The following UBAC1 variants were observed in gnomAD, a reference collection of about 807,000 sequenced individuals.
UBAC1 encodes the protein UBA domain containing 1, also known as ubiquitin-associated domain-containing protein 1.
In UBAC1, 27 loss-of-function variants were observed where a neutral mutation model predicts 45.9. That is an observed-to-expected ratio of 0.59 (90% CI 0.43 to 0.81). UBAC1 has a LOEUF of 0.81. Among genes scored for constraint, UBAC1 ranks in the 30% least tolerant of loss-of-function variants. The pLI is 0.00. For synonymous variants in UBAC1, 227 were observed against 215.5 expected, an observed-to-expected ratio of 1.05 and a Z score of -0.47; for missense variants, 529 against 539.2, an observed-to-expected ratio of 0.98 and a Z score of 0.19.
At chr9:135,936,440 G>GAA (rs956165002) in intron 9 of UBAC1, among the ~76,000 whole-genome samples, 72 of 147,888 alleles carry the variant, frequency 4.9e-4, no homozygotes, top group Admixed American at 1.1e-3. Context: ...AACATTTTTG[G>GAA]AAAAAAAAAT....
In UBAC1 at chr9:135,945,927, A is replaced by G; in HGVS notation, c.615T>C (p.Phe205=). 2 of 1,614,032 alleles carry G rather than the reference A, an allele frequency of 1.2e-6. No individual in the cohort carries two copies. The highest frequency in any genetic ancestry group is 2.2e-5 in the South Asian group (2 of 91,082). Residue 205 remains phenylalanine, a synonymous_variant, in exon 6 of 10, where the codon TTT becomes TTC. Coordinates refer to ENST00000371756, the MANE Select transcript of UBAC1 (RefSeq NM_016172.3). ...GGGCCTTGGTGGCTCTGTTCTCCGGAAAGCCCATCTCCGTGAGCTGCCGCA... is the reference window on the plus strand; with the variant it reads ...GGGCCTTGGTGGCTCTGTTCTCCGGGAAGCCCATCTCCGTGAGCTGCCGCA... The part of the protein sequence containing the change: ...AALRQLTEMG[F]PENRATKALQ...
At chr9:135,941,299 G>A (rs954624014) in intron 7 of UBAC1, among the ~76,000 whole-genome samples, 7 of 152,094 alleles carry the variant, frequency 4.6e-5, no homozygotes, top group Non-Finnish European at 8.8e-5. Context: ...CCAGCTACTC[G>A]GGAGCCTGAG....
rs1010427565 is a variant in UBAC1, at chr9:135,935,271, C to G, written c.1103-1756G>C. Among the ~76,000 whole-genome samples, 15 of 152,324 alleles carry G rather than the reference C, an allele frequency of 9.8e-5. No homozygotes were observed. In the East Asian group the frequency reaches 2.1e-3, roughly 22 times the overall value. Reference sequence around the variant, plus strand: ...GCCACACAAAATTAGAGAGCAAAAACAGTTTACAACATTCAACAAAGGAAG... The same window carrying G: ...GCCACACAAAATTAGAGAGCAAAAAGAGTTTACAACATTCAACAAAGGAAG... On this transcript the variant is annotated intron_variant, in intron 9 of 9. Coordinates refer to ENST00000371756, the MANE Select transcript of UBAC1 (RefSeq NM_016172.3).
chr9:135,949,937 T>G (rs1839387559), intron 3 of UBAC1, among the ~76,000 whole-genome samples: 1 of 152,346 alleles, frequency 6.6e-6, no homozygotes, highest in African/African-American at 2.4e-5. Context: ...TCAGAAGTCC[T>G]GTTGCTGGCT....
Position 135,937,285 on chromosome 9 carries a change from C to T in UBAC1, c.1102+937G>A, listed in dbSNP as rs140612025. On this transcript the variant is annotated intron_variant, in intron 9 of 9. Transcript: ENST00000371756. Reference sequence around the variant, plus strand: ...GGTGAAAGCCGTCTCTACTAAAATACGAAAAATTAGCCAGGCGTGGTAGTG... The same window carrying T: ...GGTGAAAGCCGTCTCTACTAAAATATGAAAAATTAGCCAGGCGTGGTAGTG... Among the ~76,000 whole-genome samples, 124 of 151,754 alleles carry T rather than the reference C, an allele frequency of 8.2e-4. 1 individual carries two copies. The highest frequency in any genetic ancestry group is 1.2e-3 in the Non-Finnish European group (81 of 67,926).
intron 6 of UBAC1, 188 bp downstream of exon 6, chr9:135,945,701 C>G (rs1839323000): frequency 5.0e-6 from 3 of 595,246 alleles, no homozygotes; most frequent in African/African-American, 3.7e-5. Context: ...ATTTACACAA[C>G]GACTGTTCTG....
At chr9:135,951,801 ACT>A (rs1588535144) in intron 3 of UBAC1, among the ~76,000 whole-genome samples, 3 of 152,162 alleles carry the variant, frequency 2.0e-5, no homozygotes, top group Admixed American at 6.5e-5. Flanking sequence ...CAAAAGCGAA[ACT>A]CTGTCTCAAA....
intron 1 of UBAC1, among the ~76,000 whole-genome samples, chr9:135,956,484 G>A (rs142283539): frequency 0.015 from 2,319 of 152,224 alleles, 35 homozygotes; most frequent in Non-Finnish European, 0.02. Context: ...GATGAAGACT[G>A]AGGTCGGCAC....
chr9:135,946,451 G>T (rs2131087612), intron 4 of UBAC1, 80 bp from the exon 5 acceptor site: 2 of 912,910 alleles, frequency 2.2e-6, no homozygotes, highest in Non-Finnish European at 3.6e-6. Context: ...CCCTGTCCTA[G>T]AACTCTTGAT....
chr9:135,937,720 A>T (rs1839216557), intron 9 of UBAC1, among the ~76,000 whole-genome samples: 1 of 152,244 alleles, frequency 6.6e-6, no homozygotes, highest in Non-Finnish European at 1.5e-5. Flanking sequence ...TGAGGTGCAT[A>T]GGGGAGGGGC....
intron 1 of UBAC1, among the ~76,000 whole-genome samples, chr9:135,957,498 T>C (rs1319501285): frequency 6.6e-6 from 1 of 152,080 alleles, no homozygotes; most frequent in African/African-American, 2.4e-5. Flanking sequence ...ACGGAAGCAC[T>C]AGGACGACCG....
At chr9:135,939,211 A>T (rs1249484935) in intron 8 of UBAC1, among the ~76,000 whole-genome samples, 12 of 90,088 alleles carry the variant, frequency 1.3e-4, no homozygotes, top group Admixed American at 4.8e-4. Context: ...CAAAAAAATT[A>T]AAAAAAAAAA....
intron 1 of UBAC1, among the ~76,000 whole-genome samples, chr9:135,959,131 T>C (rs192324777): frequency 1.3e-5 from 2 of 152,324 alleles, no homozygotes; most frequent in Admixed American, 6.5e-5. Context: ...ATGATGGCCA[T>C]GCACATCGCA....
intron 3 of UBAC1, among the ~76,000 whole-genome samples, chr9:135,952,724 G>A (rs1839420890): frequency 6.6e-6 from 1 of 152,182 alleles, no homozygotes; most frequent in Non-Finnish European, 1.5e-5. Flanking sequence ...GAAATGCCCG[G>A]GACCAGAACT....
intron 9 of UBAC1, among the ~76,000 whole-genome samples, chr9:135,937,034 A>G (rs1474212276): frequency 6.6e-6 from 1 of 152,238 alleles, no homozygotes; most frequent in African/African-American, 2.4e-5. Context: ...CTCACAGCCA[A>G]GGTTCTACAG....
chr9:135,960,626 C>T (rs1839522248), intron 1 of UBAC1, among the ~76,000 whole-genome samples: 1 of 152,204 alleles, frequency 6.6e-6, no homozygotes, highest in African/African-American at 2.4e-5. Flanking sequence ...AAAGGTACAA[C>T]TGCCGGAAAG....
chr9:135,942,906 T>C (rs917870406), intron 7 of UBAC1, among the ~76,000 whole-genome samples: 2 of 152,056 alleles, frequency 1.3e-5, no homozygotes, highest in East Asian at 1.9e-4. Flanking sequence ...GAAAATAGAC[T>C]AGAAAAGCAT....
At chr9:135,938,066 C>G (rs1839220221) in intron 9 of UBAC1, among the ~76,000 whole-genome samples, 156 bp downstream of exon 9, 1 of 152,216 alleles carries the variant, frequency 6.6e-6, no homozygotes, top group Non-Finnish European at 1.5e-5. Context: ...GGGACTACAC[C>G]CGCAGGATGC....
rs552185762 is a variant in UBAC1 at position 135,960,555 on chromosome 9, GC to G, written c.138+469del. 1.9e-4 allele frequency among the ~76,000 whole-genome samples: 29 copies of G among 151,536 alleles called. 1 individual carries two copies. The South Asian group carries it at 5.9e-3, about 31-fold the overall frequency. On this transcript the variant is annotated intron_variant, in intron 1 of 9. Coordinates refer to ENST00000371756, the MANE Select transcript of UBAC1 (RefSeq NM_016172.3). The stretch of plus-strand genomic sequence containing the variant: ...GGAGAAGGGGCCTCTTCATGAAGGA[GC>G]CTACGTTAATTCTCAGCTCTCAAAG...
Sources: gnomAD v4.1 joint callset for allele counts (sites outside exome capture counted in the v4.1 genomes callset) on GRCh38, gnomAD v4.1.1 for gene constraint, MANE v1.5 for transcripts, NCBI Gene and HGNC (gene_info 2026-07-23, HGNC 2026-07-21) for gene names.